VPS53: variants seen among roughly 807,000 people sequenced by gnomAD.
VPS53 encodes vacuolar protein sorting-associated protein 53 homolog.
Under a neutral mutation model 107.0 loss-of-function variants are expected in VPS53, and 70 were observed. The observed-to-expected ratio is 0.65, with a 90% confidence interval of 0.54 to 0.80. The LOEUF is 0.80. Among genes scored for constraint, VPS53 ranks in the 30% least tolerant of loss-of-function variants. VPS53 has a pLI of 0.00. For missense variants in VPS53, 917 were observed against 1,049.4 expected (o/e 0.87, Z 1.74); for synonymous variants, 409 against 393.3 (o/e 1.04, Z -0.47).
intron 15 of VPS53, among the ~76,000 whole-genome samples, chr17:556,452 CTGTAAA>C (rs1912359462): frequency 6.6e-6 from 1 of 152,172 alleles, no homozygotes; most frequent in South Asian, 2.1e-4. Context: ...TGCAATTTTT[CTGTAAA>C]TGTAAAAGTA....
intron 12 of VPS53, chr17:600,160 G>A (rs1968260736): frequency 6.6e-6 from 1 of 152,268 alleles, no homozygotes; most frequent in African/African-American, 2.4e-5. Context: ...AACTGATTTT[G>A]TAGGTAATGG....
chr17:555,021 C>T (rs955305144), intron 15 of VPS53, among the ~76,000 whole-genome samples: 1 of 152,186 alleles, frequency 6.6e-6, no homozygotes, highest in Non-Finnish European at 1.5e-5. Flanking sequence ...CAATACTGTT[C>T]TCATAAAGCT....
At chr17:710,509 A>C (rs764579884) in intron 2 of VPS53, 24 bp downstream of exon 2, 4 of 1,596,032 alleles carry the variant, frequency 2.5e-6, no homozygotes, top group Non-Finnish European at 3.4e-6. Flanking sequence ...TGCTGAAAGG[A>C]AGGAAACCTG....
chr17:637,368 G>C (rs946064094), intron 7 of VPS53, among the ~76,000 whole-genome samples: 6 of 152,026 alleles, frequency 3.9e-5, no homozygotes, highest in African/African-American at 1.4e-4. Context: ...CAAAAAACCA[G>C]CTCCTGGATT....
At chr17:637,800 G>A (rs1397852580) in intron 7 of VPS53, among the ~76,000 whole-genome samples, 4 of 152,136 alleles carry the variant, frequency 2.6e-5, no homozygotes, top group African/African-American at 4.8e-5. Context: ...TATAATTTCT[G>A]TTCTTTTACA....
chr17:708,449 G>C (rs571912579), intron 2 of VPS53, among the ~76,000 whole-genome samples: 2 of 152,312 alleles, frequency 1.3e-5, no homozygotes, highest in South Asian at 4.1e-4. Flanking sequence ...TATCTTCTAA[G>C]AACTTAAAGG....
At chr17:644,091 T>C (rs774905267) in intron 7 of VPS53, among the ~76,000 whole-genome samples, 7 of 152,224 alleles carry the variant, frequency 4.6e-5, no homozygotes, top group Non-Finnish European at 8.8e-5. Context: ...ACTAGAAACA[T>C]TCCCTTTCAC....
At chr17:671,811 C>T (rs1214483106) in intron 4 of VPS53, among the ~76,000 whole-genome samples, 1 of 151,686 alleles carries the variant, frequency 6.6e-6, no homozygotes, top group African/African-American at 2.4e-5. Flanking sequence ...GCCTCAGCCT[C>T]CTGAGTAGCT....
intron 13 of VPS53, among the ~76,000 whole-genome samples, chr17:566,576 G>A (rs187136290): frequency 2.6e-5 from 4 of 152,252 alleles, no homozygotes; most frequent in African/African-American, 9.6e-5. Flanking sequence ...TGGAGGGTGG[G>A]AAGGTGGAAA....
chr17:625,475 TAAAA>T (rs34322673), intron 10 of VPS53, among the ~76,000 whole-genome samples: 3 of 136,406 alleles, frequency 2.2e-5, no homozygotes, highest in African/African-American at 5.5e-5. Flanking sequence ...CCCCATCTCT[TAAAA>T]AAAAAAAAAA....
intron 17 of VPS53, among the ~76,000 whole-genome samples, chr17:544,945 G>A (rs995261339): frequency 6.6e-6 from 1 of 152,074 alleles, no homozygotes; most frequent in Non-Finnish European, 1.5e-5. Context: ...GCCAGGTGTG[G>A]TGGTGTGCGC....
intron 11 of VPS53, among the ~76,000 whole-genome samples, chr17:617,124 T>C (rs1186492822): frequency 6.6e-6 from 1 of 152,112 alleles, no homozygotes; most frequent in Non-Finnish European, 1.5e-5. Context: ...GTCCTGATGC[T>C]CTCCGGACCC....
intron 5 of VPS53, chr17:656,725 TG>T: frequency 1.4e-6 from 1 of 697,618 alleles, no homozygotes; most frequent in Admixed American, 2.0e-5. Flanking sequence ...TGTGTGTGTG[TG>T]TGTGTTTTAT....
At chr17:568,579 A>G (rs1047917190) in intron 13 of VPS53, among the ~76,000 whole-genome samples, 1 of 152,130 alleles carries the variant, frequency 6.6e-6, no homozygotes, top group African/African-American at 2.4e-5. Context: ...TACTCCCACT[A>G]ATTTGCATCC....
intron 13 of VPS53, among the ~76,000 whole-genome samples, chr17:572,356 C>T (rs1050465673): frequency 6.6e-6 from 1 of 150,732 alleles, no homozygotes; most frequent in Non-Finnish European, 1.5e-5. Flanking sequence ...GCAGCCGCCC[C>T]GTCTGAGAAG....
chr17:674,152 G>C (rs754541155), intron 4 of VPS53: 1 of 152,172 alleles, frequency 6.6e-6, no homozygotes, highest in African/African-American at 2.4e-5. Flanking sequence ...AAACGTTTAA[G>C]CAAAAGTTTC....
At chr17:546,131 TG>T in intron 17 of VPS53, among the ~76,000 whole-genome samples, 1 of 152,348 alleles carries the variant, frequency 6.6e-6, no homozygotes, top group Non-Finnish European at 1.5e-5. Context: ...CAAATAGTGC[TG>T]GGAAAGCTGA....
Position 524,167 on chromosome 17 carries a change from C to T in VPS53, c.2086-2429G>A, listed in dbSNP as rs1015798933. On this transcript the variant is annotated intron_variant, in intron 19 of 21. Coordinates refer to ENST00000437048, the MANE Select transcript of VPS53 (RefSeq NM_001128159.3). The surrounding 1 kb of genome is among the most constrained non-coding windows in gnomAD (Gnocchi z 4.5). The stretch of plus-strand genomic sequence containing the variant: ...TACAAAAATTAGCCGGGTGTGGTGG[C>T]GCATGCCTGTAATCCCAGCTACTCG... Among the ~76,000 whole-genome samples the T allele has an allele frequency of 1.3e-5, 2 of 151,914 alleles. No individual in the cohort carries two copies. The highest frequency in any genetic ancestry group is 2.9e-5 in the Non-Finnish European group (2 of 67,984).
intron 16 of VPS53, chr17:552,826 C>T (rs999799963): frequency 1.2e-5 from 4 of 339,132 alleles, no homozygotes; most frequent in Admixed American, 9.1e-5. Context: ...CCAACAGAAA[C>T]CTCTTAGGTT....
Sources: allele counts gnomAD v4.1 joint callset (sites outside exome capture counted in the v4.1 genomes callset), GRCh38; gene constraint gnomAD v4.1.1; non-coding constraint Gnocchi (gnomAD v3.1); transcripts MANE v1.5; gene names NCBI Gene and HGNC (gene_info 2026-07-23, HGNC 2026-07-21).